Variants in COL25A1 observed in about 807,000 individuals in gnomAD.
COL25A1 encodes the protein collagen type XXV alpha 1 chain.
A neutral mutation model predicts 128.4 loss-of-function variants in COL25A1; 103 were observed. The ratio of observed to expected loss-of-function variants is 0.80; its 90% confidence interval spans 0.68 to 0.94. The LOEUF is 0.94. Ranked by LOEUF, COL25A1 falls within the 40% of genes least tolerant of loss-of-function variation. COL25A1 has a pLI of 0.00. For missense variants in COL25A1, 745 were observed against 840.0 expected, an observed-to-expected ratio of 0.89 and a Z score of 1.40; for synonymous variants, 279 against 277.2, an observed-to-expected ratio of 1.01 and a Z score of -0.06.
intron 5 of COL25A1, among the ~76,000 whole-genome samples, chr4:109,014,454 T>C (rs1757018109): frequency 6.6e-6 from 1 of 152,232 alleles, no homozygotes; most frequent in African/African-American, 2.4e-5. Flanking sequence ...ATAGTTGTGA[T>C]ATTTTCAGAC....
At chr4:108,828,096 T>C (rs1732600745) in intron 32 of COL25A1, among the ~76,000 whole-genome samples, 4 of 152,182 alleles carry the variant, frequency 2.6e-5, no homozygotes. Context: ...AAAGCAAATC[T>C]ATATAATCAT....
chr4:109,020,418 A>G (rs1757615281), intron 5 of COL25A1, among the ~76,000 whole-genome samples: 1 of 151,786 alleles, frequency 6.6e-6, no homozygotes, highest in Admixed American at 6.6e-5. Context: ...CCAGAGGAAA[A>G]TAAGTGGTTC....
intron 5 of COL25A1, among the ~76,000 whole-genome samples, chr4:109,013,329 C>T (rs4640739): frequency 0.51 from 76,933 of 151,176 alleles, 22,294 homozygotes; most frequent in African/African-American, 0.77. Flanking sequence ...CTGTTTCTAG[C>T]TCAGGGATTG....
chr4:109,221,707 T>C (rs1366626446), intron 3 of COL25A1, among the ~76,000 whole-genome samples: 4 of 152,206 alleles, frequency 2.6e-5, no homozygotes, highest in African/African-American at 7.2e-5. Context: ...TGACCCAATT[T>C]ACACCTTCTG....
At chr4:108,995,988 C>A (rs1246349341) in intron 6 of COL25A1, among the ~76,000 whole-genome samples, 3 of 152,140 alleles carry the variant, frequency 2.0e-5, no homozygotes, top group Non-Finnish European at 2.9e-5. Flanking sequence ...TGGAAAGGAA[C>A]AACCGGTACC....
intron 3 of COL25A1, among the ~76,000 whole-genome samples, chr4:109,278,534 T>C (rs772647451): frequency 1.3e-5 from 2 of 152,232 alleles, no homozygotes; most frequent in Non-Finnish European, 2.9e-5. Flanking sequence ...TCTGAAAAAC[T>C]AAATATACTA....
At chr4:109,000,902 G>A (rs1755304039) in intron 6 of COL25A1, among the ~76,000 whole-genome samples, 1 of 151,972 alleles carries the variant, frequency 6.6e-6, no homozygotes, top group Non-Finnish European at 1.5e-5. Context: ...TTGGATGTGT[G>A]GAAACTGAGT....
chr4:108,957,984 T>A (rs1489698428), intron 8 of COL25A1, among the ~76,000 whole-genome samples: 2 of 152,144 alleles, frequency 1.3e-5, no homozygotes, highest in Non-Finnish European at 2.9e-5. Flanking sequence ...AAAATTCAGA[T>A]GCATTCAACT....
chr4:108,978,869 T>C (rs750511000), intron 6 of COL25A1, among the ~76,000 whole-genome samples: 1 of 152,198 alleles, frequency 6.6e-6, no homozygotes, highest in Non-Finnish European at 1.5e-5. Flanking sequence ...GGGACTCTTG[T>C]CCTGGTTTGG....
chr4:109,158,040 A>G (rs1028056711), intron 3 of COL25A1, among the ~76,000 whole-genome samples: 1 of 152,182 alleles, frequency 6.6e-6, no homozygotes, highest in African/African-American at 2.4e-5. Flanking sequence ...CTGTTGAACT[A>G]AAGAAAAAAA....
chr4:109,011,312 G>A (rs187766669), intron 5 of COL25A1, among the ~76,000 whole-genome samples: 9 of 152,280 alleles, frequency 5.9e-5, no homozygotes, highest in Admixed American at 2.0e-4. Context: ...AGAAGGCCCA[G>A]GAACTGTCTC....
At chr4:109,032,764 G>A (rs1758987629) in intron 5 of COL25A1, among the ~76,000 whole-genome samples, 1 of 152,194 alleles carries the variant, frequency 6.6e-6, no homozygotes, top group African/African-American at 2.4e-5. Context: ...TACCTCTATT[G>A]ATGAGGCTCG....
At chr4:109,002,464 T>G (rs901464902) in intron 6 of COL25A1, among the ~76,000 whole-genome samples, 1 of 152,156 alleles carries the variant, frequency 6.6e-6, no homozygotes, top group Non-Finnish European at 1.5e-5. Context: ...GACACAGAAA[T>G]ATAAATATTT....
chr4:109,105,213 C>T (rs1206498375), intron 3 of COL25A1, among the ~76,000 whole-genome samples: 1 of 152,172 alleles, frequency 6.6e-6, no homozygotes, highest in Non-Finnish European at 1.5e-5. Flanking sequence ...AGCTTACACA[C>T]CTATAATACC....
intron 5 of COL25A1, among the ~76,000 whole-genome samples, chr4:109,037,168 A>T (rs1260361553): frequency 5.3e-5 from 8 of 152,228 alleles, no homozygotes; most frequent in Non-Finnish European, 8.8e-5. Flanking sequence ...GATATAAAAC[A>T]TAAAATAATT....
chr4:109,279,060 T>C (rs1723110177), intron 3 of COL25A1, among the ~76,000 whole-genome samples: 1 of 150,728 alleles, frequency 6.6e-6, no homozygotes. Context: ...TCAAAAGACC[T>C]ACCTCTTAAT....
intron 3 of COL25A1, among the ~76,000 whole-genome samples, chr4:109,287,936 C>T (rs529122495): frequency 2.6e-5 from 4 of 152,178 alleles, no homozygotes; most frequent in East Asian, 3.9e-4. Flanking sequence ...ACAAATCTTT[C>T]GAAGTATGGA....
At chr4:108,834,458 A>T (rs1733536534) in intron 31 of COL25A1, 1 of 1,379,600 alleles carries the variant, frequency 7.2e-7, no homozygotes. Context: ...GATTAGTATG[A>T]GGTACCGATG....
At chr4:108,974,494 G>T in intron 7 of COL25A1, 39 bp downstream of exon 7, 1 of 1,608,320 alleles carries the variant, frequency 6.2e-7, no homozygotes, top group Admixed American at 1.7e-5. Flanking sequence ...CGCCAATATG[G>T]ATCTTCACTA....
Sources: gnomAD v4.1 joint callset for allele counts (sites outside exome capture counted in the v4.1 genomes callset) on GRCh38, gnomAD v4.1.1 for gene constraint, MANE v1.5 for transcripts, NCBI Gene and HGNC (gene_info 2026-07-23, HGNC 2026-07-21) for gene names.